ARFGEF3: variants seen among roughly 807,000 people sequenced by gnomAD.
ARFGEF3 encodes the protein ARFGEF family member 3, also known as brefeldin A-inhibited guanine nucleotide-exchange protein 3.
In ARFGEF3, 96 loss-of-function variants were observed where a neutral mutation model predicts 221.7. The ratio of observed to expected loss-of-function variants is 0.43; its 90% CI spans 0.37 to 0.51. The LOEUF (loss-of-function observed/expected upper bound fraction) is 0.51. Among genes scored for constraint, ARFGEF3 ranks in the 20% least tolerant of loss-of-function variants. The probability of loss-of-function intolerance (pLI) is 0.00; values close to 1 mark genes in which losing one functional copy is unlikely to be tolerated. For missense variants in ARFGEF3, 2,410 were observed against 2,789.9 expected (o/e 0.86, Z 3.07); for synonymous variants, 1,145 against 1,126.8 (o/e 1.02, Z -0.32).
chr6:138,171,045 C>T (rs1430224032), intron 2 of ARFGEF3, among the ~76,000 whole-genome samples: 1 of 152,038 alleles, frequency 6.6e-6, no homozygotes, highest in African/African-American at 2.4e-5. Flanking sequence ...AGCATTCATC[C>T]ATTCATGGAG....
intron 6 of ARFGEF3, among the ~76,000 whole-genome samples, chr6:138,242,035 C>G (rs1322825452): frequency 6.6e-6 from 1 of 152,174 alleles, no homozygotes. Context: ...TTTAGCCATT[C>G]TGAGCTGTAG....
At chr6:138,292,516 C>G (rs925340526) in intron 19 of ARFGEF3, among the ~76,000 whole-genome samples, 1 of 152,192 alleles carries the variant, frequency 6.6e-6, no homozygotes, top group African/African-American at 2.4e-5. Context: ...GCCCAACAAC[C>G]ATGCGAGGGT....
chr6:138,199,510 A>G (rs1358252566), intron 2 of ARFGEF3, among the ~76,000 whole-genome samples: 2 of 152,208 alleles, frequency 1.3e-5, no homozygotes, highest in Non-Finnish European at 1.5e-5. Flanking sequence ...ATCCATGAGC[A>G]TGGGATGTGT....
intron 22 of ARFGEF3, among the ~76,000 whole-genome samples, chr6:138,306,069 G>T (rs1165414666): frequency 6.6e-6 from 1 of 151,916 alleles, no homozygotes; most frequent in African/African-American, 2.4e-5. Flanking sequence ...GACAACATAG[G>T]GTTGTATATA....
intron 1 of ARFGEF3, among the ~76,000 whole-genome samples, chr6:138,167,078 A>G (rs1179090554): frequency 6.6e-6 from 1 of 152,088 alleles, no homozygotes; most frequent in Non-Finnish European, 1.5e-5. Context: ...TCTCATTCCC[A>G]TCTCAGAGGT....
chr6:138,260,497 A>G (rs2114586267), intron 10 of ARFGEF3, among the ~76,000 whole-genome samples: 1 of 152,364 alleles, frequency 6.6e-6, no homozygotes, highest in East Asian at 1.9e-4. Flanking sequence ...ATGAACAATT[A>G]TGAACAGTCT....
chr6:138,234,921 A>G (rs1235931874), intron 5 of ARFGEF3, among the ~76,000 whole-genome samples: 3 of 152,230 alleles, frequency 2.0e-5, no homozygotes, highest in Non-Finnish European at 4.4e-5. Context: ...ACAGTTCAAC[A>G]AAGTGAAGGT....
chr6:138,165,112 C>A (rs1776698407), intron 1 of ARFGEF3, among the ~76,000 whole-genome samples: 1 of 149,956 alleles, frequency 6.7e-6, no homozygotes. Flanking sequence ...GAGAGGTCAT[C>A]CCCCTCTGAG....
chr6:138,202,286 TG>T (rs1440126308), intron 2 of ARFGEF3, among the ~76,000 whole-genome samples: 2 of 152,130 alleles, frequency 1.3e-5, no homozygotes, highest in Non-Finnish European at 2.9e-5. Context: ...GGGGATTGAG[TG>T]TGTGCCATGT....
chr6:138,256,037 A>G (rs568201518), intron 10 of ARFGEF3, among the ~76,000 whole-genome samples: 1 of 152,286 alleles, frequency 6.6e-6, no homozygotes, highest in East Asian at 1.9e-4. Flanking sequence ...TGTGCACCAG[A>G]CCAGGCCCAT....
In ARFGEF3 at chr6:138,317,329, C is replaced by T. The variant is rs1779944075; in HGVS notation, c.4424C>T (p.Pro1475Leu). The change falls in exon 27 of 34, where the codon CCA (proline) becomes CTA (leucine). Residue 1475 changes from proline (P) to leucine (L), a missense_variant. By Grantham distance (98) the Pro-to-Leu change is moderately conservative (BLOSUM62 -3). Coordinates refer to ENST00000251691, the MANE Select transcript of ARFGEF3 (RefSeq NM_020340.5). ...VSNCPRQHQP[P>L]TLDLLFELLR... ...AATTGTCCACGGCAGCACCAACCAC[C>T]AACTCTGGATTTACTCTTTGAGCTG... 2.5e-6 allele frequency: 4 copies of T among 1,613,994 alleles called. No homozygotes were observed. The highest frequency in any genetic ancestry group is 3.4e-6 in the Non-Finnish European group (4 of 1,179,866).
chr6:138,223,071 G>A (rs183119093), intron 4 of ARFGEF3, among the ~76,000 whole-genome samples: 179 of 152,162 alleles, frequency 1.2e-3, no homozygotes, highest in Non-Finnish European at 1.2e-3. Flanking sequence ...TGAACCATGA[G>A]GGAAAAAAAT....
At chr6:138,282,877 C>G (rs929703760) in intron 14 of ARFGEF3, among the ~76,000 whole-genome samples, 21 of 151,936 alleles carry the variant, frequency 1.4e-4, no homozygotes, top group Non-Finnish European at 1.8e-4. Flanking sequence ...GGTGAAACCC[C>G]ATCTCTACAA....
chr6:138,297,085 C>T, intron 21 of ARFGEF3, 130 bp downstream of exon 21: 2 of 998,096 alleles, frequency 2.0e-6, no homozygotes, highest in Non-Finnish European at 2.9e-6. Flanking sequence ...TTGCCTATCA[C>T]CTGGTCACAA....
intron 5 of ARFGEF3, among the ~76,000 whole-genome samples, chr6:138,236,134 T>C (rs755257452): frequency 5.3e-5 from 8 of 152,220 alleles, no homozygotes; most frequent in Non-Finnish European, 1.0e-4. Context: ...AATGATGTAA[T>C]TTTTTAACAG....
chr6:138,209,863 A>T (rs776248190), intron 3 of ARFGEF3, 47 bp from the exon 4 acceptor site: 2 of 1,602,850 alleles, frequency 1.2e-6, no homozygotes, highest in Non-Finnish European at 1.7e-6. Context: ...CAAATAAGGC[A>T]GCAGGGGAGA....
chr6:138,243,799 G>A (rs1778434975), intron 7 of ARFGEF3, among the ~76,000 whole-genome samples: 1 of 152,166 alleles, frequency 6.6e-6, no homozygotes, highest in South Asian at 2.1e-4. Context: ...TGAAAGAAAT[G>A]AGGAAGAGAC....
intron 20 of ARFGEF3, among the ~76,000 whole-genome samples, chr6:138,295,149 G>C (rs1197192117): frequency 2.0e-5 from 3 of 152,044 alleles, no homozygotes; most frequent in Admixed American, 1.3e-4. Context: ...AATGAGCAGG[G>C]GCCAGGAAGG....
At chr6:138,241,846 T>C (rs545788824) in intron 6 of ARFGEF3, among the ~76,000 whole-genome samples, 1 of 152,372 alleles carries the variant, frequency 6.6e-6, no homozygotes, top group African/African-American at 2.4e-5. Context: ...TCCTACATAT[T>C]ATCCAGCTTT....
Sources: allele counts gnomAD v4.1 joint callset (sites outside exome capture counted in the v4.1 genomes callset), GRCh38; gene constraint gnomAD v4.1.1; transcripts MANE v1.5; gene names NCBI Gene and HGNC (gene_info 2026-07-23, HGNC 2026-07-21).